The following ARHGAP28 variants were observed in gnomAD, a reference collection of about 807,000 sequenced individuals.
ARHGAP28 encodes rho GTPase-activating protein 28.
ARHGAP28 carries 56 observed loss-of-function variants against 90.7 expected under a neutral mutation model. The ratio of observed to expected loss-of-function variants is 0.62; its 90% CI spans 0.50 to 0.77. ARHGAP28 has a LOEUF of 0.77. Ranked by LOEUF, ARHGAP28 falls within the 30% of genes least tolerant of loss-of-function variation. The pLI, the probability that ARHGAP28 is intolerant of heterozygous loss-of-function variation, is 0.00. For synonymous variants in ARHGAP28, 308 were observed against 323.3 expected (o/e 0.95, Z 0.51); for missense variants, 869 against 900.9 (o/e 0.96, Z 0.45).
chr18:6,783,565 T>A (rs1463430058), intron 1 of ARHGAP28, among the ~76,000 whole-genome samples: 1 of 140,518 alleles, frequency 7.1e-6, no homozygotes, highest in African/African-American at 3.3e-5. Flanking sequence ...CCTCCCAAAG[T>A]GCTGGGATTA....
rs376048634 is a variant in ARHGAP28 at position 6,869,453 on chromosome 18, G to A, written c.812-1137G>A. ...TTTTTGTATTTTTAGTAGAGACGGCGTTTCTCTATGTTGGCCAGGCTGGTC... is the reference window on the plus strand; with the variant it reads ...TTTTTGTATTTTTAGTAGAGACGGCATTTCTCTATGTTGGCCAGGCTGGTC... On this transcript the variant is annotated intron_variant, in intron 6 of 17. Transcript: ENST00000383472. Among the ~76,000 whole-genome samples, 12 of 151,842 alleles carry A rather than the reference G, an allele frequency of 7.9e-5. No homozygotes were observed. The South Asian group carries it at 8.4e-4, about 11-fold the overall frequency.
At chr18:6,839,528 A>C (rs919012487) in intron 3 of ARHGAP28, among the ~76,000 whole-genome samples, 1 of 151,804 alleles carries the variant, frequency 6.6e-6, no homozygotes, top group Non-Finnish European at 1.5e-5. Flanking sequence ...CGATTTCCTG[A>C]CCTCGTGATC....
intron 2 of ARHGAP28, among the ~76,000 whole-genome samples, chr18:6,827,114 G>C (rs1228331328): frequency 6.6e-6 from 1 of 152,112 alleles, no homozygotes; most frequent in East Asian, 1.9e-4. Flanking sequence ...GCAACCATCC[G>C]ATTTCTCAGT....
At chr18:6,753,431 TTTC>T (rs2056085645) in intron 1 of ARHGAP28, among the ~76,000 whole-genome samples, 6 of 152,346 alleles carry the variant, frequency 3.9e-5, no homozygotes, top group Admixed American at 3.9e-4. Context: ...AACTGTATTT[TTTC>T]TTCTTTGTCT....
intron 11 of ARHGAP28, among the ~76,000 whole-genome samples, chr18:6,882,645 G>A (rs191148325): frequency 6.6e-4 from 100 of 152,254 alleles, no homozygotes; most frequent in African/African-American, 2.2e-3. Context: ...CAGGGTTGCC[G>A]TGGATATTGA....
intron 5 of ARHGAP28, among the ~76,000 whole-genome samples, chr18:6,865,455 G>T (rs1169358944): frequency 6.6e-6 from 1 of 152,142 alleles, no homozygotes; most frequent in Non-Finnish European, 1.5e-5. Context: ...TTGTGGATTT[G>T]TCCATTCTGA....
At chr18:6,834,277 A>G (rs771174086) in intron 2 of ARHGAP28, among the ~76,000 whole-genome samples, 2 of 152,168 alleles carry the variant, frequency 1.3e-5, no homozygotes, top group Non-Finnish European at 2.9e-5. Context: ...AAGGAAGAAG[A>G]AACAGCAGTG....
intron 1 of ARHGAP28, chr18:6,790,643 T>A (rs1257333837): frequency 6.6e-6 from 1 of 152,244 alleles, no homozygotes; most frequent in Non-Finnish European, 1.5e-5. Flanking sequence ...GGAGTCTACC[T>A]ACCTAGATTT....
intron 3 of ARHGAP28, among the ~76,000 whole-genome samples, chr18:6,842,687 A>G (rs988314512): frequency 6.6e-5 from 10 of 152,136 alleles, no homozygotes; most frequent in Non-Finnish European, 1.5e-4. Context: ...ATTGATTAGT[A>G]TGGTAATGGG....
rs1478409839 is a variant in ARHGAP28 at position 6,912,171 on chromosome 18, CTGCTATCATGTATTATA to C, written c.*21_*37del. 1 of 1,466,172 alleles carries C rather than the reference CTGCTATCATGTATTATA, an allele frequency of 6.8e-7. No individual in the cohort carries two copies. The highest frequency in any genetic ancestry group is 9.5e-7 in the Non-Finnish European group (1 of 1,054,492). The allele number at this position is 1,466,172 out of a possible 1,614,324, so 90.8% of individuals were successfully genotyped here. On this transcript the variant is annotated 3_prime_UTR_variant, in exon 18 of 18. Transcript: ENST00000383472. Reference sequence around the variant, plus strand: ...AGTTCTTAAAATATCCTCGAGAGAGCTGCTATCATGTATTATATGCCAAAAAGATCCTACATTTTGGT... The same window carrying C: ...AGTTCTTAAAATATCCTCGAGAGAGCTGCCAAAAAGATCCTACATTTTGGT...
intron 2 of ARHGAP28, chr18:6,834,635 G>A (rs566859840): frequency 7.9e-5 from 12 of 152,286 alleles, no homozygotes; most frequent in African/African-American, 2.4e-4. Flanking sequence ...GATCAAGAAT[G>A]GCATAGGAGG....
chr18:6,909,681 G>A (rs988815798), intron 17 of ARHGAP28, among the ~76,000 whole-genome samples: 1 of 152,264 alleles, frequency 6.6e-6, no homozygotes, highest in East Asian at 1.9e-4. Flanking sequence ...ACTTTCAGAA[G>A]CATGACACCA....
At chr18:6,828,289 G>C (rs984775615) in intron 2 of ARHGAP28, among the ~76,000 whole-genome samples, 2 of 152,154 alleles carry the variant, frequency 1.3e-5, no homozygotes, top group African/African-American at 4.8e-5. Context: ...GCAGTGAGCC[G>C]AGATGGCAGC....
chr18:6,787,578 G>T (rs2056375699), intron 1 of ARHGAP28, among the ~76,000 whole-genome samples: 1 of 152,138 alleles, frequency 6.6e-6, no homozygotes, highest in Non-Finnish European at 1.5e-5. Context: ...TTTTATCTAA[G>T]ACAATATAGC....
chr18:6,910,733 C>T (rs1345327656), intron 17 of ARHGAP28, among the ~76,000 whole-genome samples: 1 of 152,094 alleles, frequency 6.6e-6, no homozygotes, highest in Non-Finnish European at 1.5e-5. Context: ...TGGCTGTAAA[C>T]CCAGCCCCTA....
At chr18:6,870,108 C>T (rs146508350) in intron 6 of ARHGAP28, among the ~76,000 whole-genome samples, 468 of 152,094 alleles carry the variant, frequency 3.1e-3, no homozygotes, top group African/African-American at 0.011. Context: ...TTTGAACAAA[C>T]CTTAAGAGGC....
chr18:6,773,307 A>C (rs1179874579), intron 1 of ARHGAP28, among the ~76,000 whole-genome samples: 1 of 152,196 alleles, frequency 6.6e-6, no homozygotes, highest in Non-Finnish European at 1.5e-5. Context: ...ACAGATGCAT[A>C]CATAATGTAA....
chr18:6,767,297 A>G (rs906899734), intron 1 of ARHGAP28, among the ~76,000 whole-genome samples: 2 of 152,096 alleles, frequency 1.3e-5, no homozygotes, highest in African/African-American at 4.8e-5. Flanking sequence ...ATTACATGTC[A>G]TAAACCTTAA....
intron 1 of ARHGAP28, chr18:6,789,208 A>G (rs1255736249): frequency 2.6e-5 from 4 of 152,184 alleles, no homozygotes; most frequent in African/African-American, 7.2e-5. Flanking sequence ...TATGACATGC[A>G]TAGAGTTGGC....
Sources: gnomAD v4.1 joint callset for allele counts (sites outside exome capture counted in the v4.1 genomes callset) on GRCh38, gnomAD v4.1.1 for gene constraint, MANE v1.5 for transcripts, NCBI Gene and HGNC (gene_info 2026-07-23, HGNC 2026-07-21) for gene names.